Variants in GABRB2 observed in about 807,000 individuals in gnomAD.
GABRB2 encodes the protein gamma-aminobutyric acid type A receptor subunit beta2.
GABRB2 carries 16 observed loss-of-function variants against 54.7 expected under a neutral mutation model. The observed-to-expected ratio is 0.29, with a 90% confidence interval of 0.20 to 0.44. The LOEUF (loss-of-function observed/expected upper bound fraction) is 0.44. Among genes scored for constraint, GABRB2 ranks in the 20% least tolerant of loss-of-function variants. The pLI is 1.00. For synonymous variants in GABRB2, 244 were observed against 233.8 expected (o/e 1.04, Z -0.40); for missense variants, 355 against 644.0 (o/e 0.55, Z 4.86).
intron 5 of GABRB2, among the ~76,000 whole-genome samples, chr5:161,394,094 TAAAAC>T (rs1276660173): frequency 2.0e-5 from 3 of 151,990 alleles, no homozygotes; most frequent in African/African-American, 4.8e-5. Context: ...TAACTGGAAG[TAAAAC>T]AATACATTTC....
intron 3 of GABRB2, among the ~76,000 whole-genome samples, chr5:161,536,444 T>C (rs1760638247): frequency 6.6e-6 from 1 of 152,150 alleles, no homozygotes; most frequent in South Asian, 2.1e-4. Flanking sequence ...AGTGAACTCA[T>C]TCACCTATTT....
chr5:161,546,803 A>T (rs1281892798), upstream of GABRB2: 105 of 147,776 alleles, frequency 7.1e-4, no homozygotes, highest in South Asian at 3.2e-3. Context: ...TTCCTTGTTT[A>T]AAAAAAAAAA....
chr5:161,543,341 A>C lies in GABRB2; in HGVS notation c.237+1886T>G, dbSNP rs2113482463. 1.3e-5 allele frequency among the ~76,000 whole-genome samples: 2 copies of C among 152,378 alleles called. 1 individual carries two copies. The highest frequency in any genetic ancestry group is 4.1e-4 in the South Asian group (2 of 4,832). On this transcript the variant is annotated intron_variant, in intron 3 of 9. Coordinates refer to ENST00000393959, the MANE Select transcript of GABRB2 (RefSeq NM_001371727.1). ...AAAATGAATAGAACTTAAAGGAAAGAAAAATAAAAATTCTACCACTCTAAA... is the reference window on the plus strand; with the variant it reads ...AAAATGAATAGAACTTAAAGGAAAGCAAAATAAAAATTCTACCACTCTAAA...
intron 3 of GABRB2, among the ~76,000 whole-genome samples, chr5:161,520,915 G>C (rs897741571): frequency 1.4e-4 from 21 of 151,954 alleles, no homozygotes; most frequent in African/African-American, 4.8e-4. Context: ...ACAATCAATA[G>C]TTGCTGCAAT....
intron 5 of GABRB2, among the ~76,000 whole-genome samples, chr5:161,386,688 C>A (rs986801008): frequency 1.2e-4 from 18 of 151,994 alleles, no homozygotes; most frequent in African/African-American, 3.4e-4. Flanking sequence ...GGACTACAGG[C>A]GTGCTACCAT....
At chr5:161,547,608 G>A (rs1761028275), upstream of GABRB2, among the ~76,000 whole-genome samples, 1 of 152,122 alleles carries the variant, frequency 6.6e-6, no homozygotes, top group Non-Finnish European at 1.5e-5. Flanking sequence ...AGGCAATGCT[G>A]TCTCTCCAGG....
At chr5:161,297,333 G>A (rs1757407267) in intron 9 of GABRB2, among the ~76,000 whole-genome samples, 1 of 152,048 alleles carries the variant, frequency 6.6e-6, no homozygotes, top group Non-Finnish European at 1.5e-5. Flanking sequence ...TGCAGAACAT[G>A]CAGGTTTGTT....
intron 5 of GABRB2, among the ~76,000 whole-genome samples, chr5:161,345,450 C>A (rs906590524): frequency 6.6e-6 from 1 of 152,024 alleles, no homozygotes; most frequent in Non-Finnish European, 1.5e-5. Context: ...TGGCTTCTAC[C>A]TGCAGCCTCA....
At chr5:161,378,160 TAAC>T (rs1755363591) in intron 5 of GABRB2, among the ~76,000 whole-genome samples, 1 of 152,146 alleles carries the variant, frequency 6.6e-6, no homozygotes, top group African/African-American at 2.4e-5. Context: ...CTTTGTGTCT[TAAC>T]ACAATTTATT....
rs1167478625 is a variant in GABRB2 at position 161,492,817 on chromosome 5, T to C, written c.238-32973A>G. On this transcript the variant is annotated intron_variant, in intron 3 of 9. Transcript: ENST00000393959. ...CTCCACAGGCATTTTCACTCTATGA[T>C]AGATCTCAGACATCTTTCAAATGAG... 1.3e-3 allele frequency among the ~76,000 whole-genome samples: 192 copies of C among 151,784 alleles called. 3 individuals carry two copies. The highest frequency in any genetic ancestry group is 1.6e-4 in the Non-Finnish European group (11 of 67,792).
At chr5:161,445,469 A>C (rs1026516838) in intron 4 of GABRB2, among the ~76,000 whole-genome samples, 4 of 152,148 alleles carry the variant, frequency 2.6e-5, no homozygotes, top group Admixed American at 2.6e-4. Flanking sequence ...CAGCAAGGAC[A>C]TTCCAAAGTT....
rs113771782 is a variant in GABRB2, at chr5:161,303,368, C to T, written c.1192-8940G>A. Among the ~76,000 whole-genome samples, 1,511 of 152,216 alleles carry T rather than the reference C, an allele frequency of 9.9e-3. 27 individuals are homozygous for T. The highest frequency in any genetic ancestry group is 0.034 in the African/African-American group (1,397 of 41,522). The stretch of plus-strand genomic sequence containing the variant: ...TTTTAAATTGTAATGAGTAAGCCAC[C>T]TGAATGCCTATCTTCACGTTTCCTT... On this transcript the variant is annotated intron_variant, in intron 9 of 9. Transcript: ENST00000393959.
intron 3 of GABRB2, among the ~76,000 whole-genome samples, chr5:161,467,302 G>A (rs897948308): frequency 2.6e-5 from 4 of 152,006 alleles, no homozygotes; most frequent in Admixed American, 6.6e-5. Context: ...CTTAATTACC[G>A]CTTGTTGAAA....
chr5:161,302,043 C>T (rs1757555686), intron 9 of GABRB2, among the ~76,000 whole-genome samples: 1 of 152,236 alleles, frequency 6.6e-6, no homozygotes, highest in African/African-American at 2.4e-5. Flanking sequence ...TTTATTTGCA[C>T]TAACATTCCA....
intron 3 of GABRB2, among the ~76,000 whole-genome samples, chr5:161,474,207 T>C (rs1758528633): frequency 6.6e-6 from 1 of 151,992 alleles, no homozygotes; most frequent in Non-Finnish European, 1.5e-5. Flanking sequence ...TAAAGATTGG[T>C]CTATAGCTTT....
intron 8 of GABRB2, among the ~76,000 whole-genome samples, chr5:161,327,509 A>G (rs1467709392): frequency 6.6e-6 from 1 of 152,142 alleles, no homozygotes; most frequent in South Asian, 2.1e-4. Flanking sequence ...TTCTTTAGGC[A>G]CATAGGCTTT....
chr5:161,346,690 T>C (rs1191092946), intron 5 of GABRB2, among the ~76,000 whole-genome samples: 1 of 152,132 alleles, frequency 6.6e-6, no homozygotes, highest in East Asian at 1.9e-4. Flanking sequence ...GTCTGTAATA[T>C]GTACTGTTAG....
chr5:161,541,494 G>A (rs577267614), intron 3 of GABRB2, among the ~76,000 whole-genome samples: 2 of 152,290 alleles, frequency 1.3e-5, no homozygotes, highest in Non-Finnish European at 2.9e-5. Flanking sequence ...CTTTTGTGCA[G>A]AATAGCCAGC....
intron 5 of GABRB2, among the ~76,000 whole-genome samples, chr5:161,399,343 G>A (rs546884991): frequency 3.3e-5 from 5 of 152,160 alleles, no homozygotes; most frequent in African/African-American, 7.2e-5. Flanking sequence ...CCAGGCTCAC[G>A]TTTTTCTATG....
Sources: gnomAD v4.1 joint callset for allele counts (sites outside exome capture counted in the v4.1 genomes callset) on GRCh38, gnomAD v4.1.1 for gene constraint, MANE v1.5 for transcripts, NCBI Gene and HGNC (gene_info 2026-07-23, HGNC 2026-07-21) for gene names.